Variants in ARMH2 observed in about 807,000 individuals in gnomAD.
ARMH2 encodes the protein armadillo like helical domain containing 2.
A neutral mutation model predicts 9.0 loss-of-function variants in ARMH2; 5 were observed. The ratio of observed to expected loss-of-function variants is 0.56; its 90% CI spans 0.29 to 1.17. The LOEUF (loss-of-function observed/expected upper bound fraction) is 1.17, where lower values mean the gene tolerates loss of function less well. Among genes scored for constraint, ARMH2 ranks in the 50% most tolerant of loss-of-function variants. ARMH2 has a pLI of 0.08. For missense variants in ARMH2, 236 were observed against 268.3 expected (o/e 0.88, Z 0.84); for synonymous variants, 74 against 93.1 (o/e 0.79, Z 1.18).
In ARMH2 at chr6:24,797,382, C is replaced by T; in HGVS notation, c.*28G>A. The stretch of plus-strand genomic sequence containing the variant: ...GTTTTCCAGGGTAATACACAGAGAG[C>T]TGCAACATGTAACTGGATTTAGAGA... On this transcript the variant is annotated 3_prime_UTR_variant, in exon 2 of 2. Transcript: ENST00000565469. 2 of 1,515,968 alleles carry T rather than the reference C, an allele frequency of 1.3e-6. No homozygotes were observed. The highest frequency in any genetic ancestry group is 1.8e-6 in the Non-Finnish European group (2 of 1,133,652). The allele number at this position is 1,515,968 out of a possible 1,614,324, so 93.9% of individuals were successfully genotyped here.
chr6:24,798,545 A>G, intron 1 of ARMH2, 48 bp downstream of exon 1: 2 of 1,482,542 alleles, frequency 1.3e-6, no homozygotes, highest in Non-Finnish European at 1.8e-6. Flanking sequence ...GTGTTATAAA[A>G]TGAGTGTCGT....
rs1486234630 is a variant in ARMH2, at chr6:24,797,874, G to A, written c.266-37C>T. 4.0e-6 allele frequency: 6 copies of A among 1,518,544 alleles called. No homozygotes were observed. In the Admixed American group the frequency reaches 8.2e-5, roughly 21 times the overall value. The allele number at this position is 1,518,544 out of a possible 1,614,324, so 94.1% of individuals were successfully genotyped here. A position where few individuals can be genotyped will look rare whatever the true frequency, so the allele number is the denominator to read the frequency against. ...GCATTTGCATTTCCAGAAGTATTTG[G>A]TGTATCTATTAGCTAGTAACACTTT... On this transcript the variant is annotated intron_variant, in intron 1 of 1. Transcript: ENST00000565469.
In ARMH2 at chr6:24,797,587, A is replaced by T. The variant is rs3813682; in HGVS notation, c.516T>A (p.Phe172Leu). The T allele has an allele frequency of 0.021, 31,980 of 1,535,432 alleles. 2,346 individuals are homozygous for T. In the African/African-American group the frequency reaches 0.23, roughly 11 times the overall value. The stretch of plus-strand genomic sequence containing the variant: ...TGACAGAGAGAACGTAACAAGTCCA[A>T]AATTTAAGGAGGAGGTAGCTGTTTG... ...SETNSYLLLK[F>L]WTCYVLSVMT... The change falls in exon 2 of 2, where the codon TTT (phenylalanine) becomes TTA (leucine). Residue 172 changes from phenylalanine (F) to leucine (L), a missense_variant. Coordinates refer to ENST00000565469, the MANE Select transcript of ARMH2 (RefSeq NM_001282492.2).
Position 24,797,703 on chromosome 6 carries a change from C to T in ARMH2, c.400G>A (p.Val134Ile), listed in dbSNP as rs1467241000. Residue 134 changes from valine (V) to isoleucine (I), a missense_variant, in exon 2 of 2, where the codon GTC (valine) becomes ATC (isoleucine). Val to Ile is a conservative substitution (Grantham distance 29, BLOSUM62 3). Transcript: ENST00000565469. Reference sequence around the variant, plus strand: ...AGACTTTTGGCTCTTTTCTGGCTGACAGGGTTTAAGTAACACCAACATGCC... The same window carrying T: ...AGACTTTTGGCTCTTTTCTGGCTGATAGGGTTTAAGTAACACCAACATGCC... ...SVACWCYLNP[V>I]SQKRAKSLQF... 3.3e-6 allele frequency: 5 copies of T among 1,535,430 alleles called. No homozygotes were observed. In the Admixed American group the frequency reaches 9.8e-5, roughly 30 times the overall value.
rs544606391 is a variant in ARMH2, at chr6:24,798,309, G to T, written c.265+284C>A. Among the ~76,000 whole-genome samples the T allele has an allele frequency of 4.6e-5, 7 of 152,062 alleles. No individual in the cohort carries two copies. In the East Asian group the frequency reaches 1.2e-3, roughly 25 times the overall value. On this transcript the variant is annotated intron_variant, in intron 1 of 1. Coordinates refer to ENST00000565469, the MANE Select transcript of ARMH2 (RefSeq NM_001282492.2). Reference sequence around the variant, plus strand: ...TTTTTTGTATTTTTAGTAGAGACGGGGTTTCACCATGTTGATCAGCTGGTC... The same window carrying T: ...TTTTTTGTATTTTTAGTAGAGACGGTGTTTCACCATGTTGATCAGCTGGTC...
In ARMH2 at chr6:24,797,705, G is replaced by A; in HGVS notation, c.398C>T (p.Pro133Leu). Reference protein sequence around the residue: ...QSVACWCYLNPVSQKRAKSLQ... With the variant: ...QSVACWCYLNLVSQKRAKSLQ... ...ACTTTTGGCTCTTTTCTGGCTGACA[G>A]GGTTTAAGTAACACCAACATGCCAC... The change falls in exon 2 of 2, where the codon CCT becomes CTT. Residue 133 changes from proline (P) to leucine (L), a missense_variant. Physicochemically the swap from Pro to Leu is moderately conservative, Grantham distance 98. Transcript: ENST00000565469. 1 of 1,535,430 alleles carries A rather than the reference G, an allele frequency of 6.5e-7. No individual in the cohort carries two copies. Among genetic ancestry groups the A allele is most frequent in the Non-Finnish European group, 8.7e-7 (1 of 1,146,738 alleles).
chr6:24,797,707 G>A lies in ARMH2; in HGVS notation c.396C>T (p.Asn132=), dbSNP rs148217566. 3,349 of 1,535,416 alleles carry A rather than the reference G, an allele frequency of 2.2e-3. 12 individuals carry two copies. Among genetic ancestry groups the A allele is most frequent in the Admixed American group, 4.4e-3 (223 of 50,980 alleles). ...TTTTGGCTCTTTTCTGGCTGACAGG[G>A]TTTAAGTAACACCAACATGCCACAC... ...LQSVACWCYL[N]PVSQKRAKSL... Residue 132 remains asparagine (N), a synonymous_variant, in exon 2 of 2, where the codon AAC becomes AAT. Transcript: ENST00000565469.
intron 1 of ARMH2, among the ~76,000 whole-genome samples, 154 bp from the exon 2 acceptor site, chr6:24,797,991 G>A (rs2113596336): frequency 6.6e-6 from 1 of 152,290 alleles, no homozygotes; most frequent in Admixed American, 6.5e-5. Flanking sequence ...CTCCCACGCT[G>A]CTGCCATGAA....
At position 24,798,833 on chromosome 6, in the gene ARMH2, T is replaced by C; in HGVS notation, c.25A>G (p.Thr9Ala). 1 of 1,534,522 alleles carries C rather than the reference T, an allele frequency of 6.5e-7. No individual in the cohort carries two copies. Among genetic ancestry groups the C allele is most frequent in the Non-Finnish European group, 8.7e-7 (1 of 1,146,374 alleles). Residue 9 changes from threonine (T) to alanine (A), a missense_variant, in exon 1 of 2, where the codon ACG (threonine) becomes GCG (alanine). Thr to Ala is a moderately conservative substitution (Grantham distance 58). Transcript: ENST00000565469. ...CCATACATCTTAACCCAAATTTGCGTACAAGAAAATCGGCTGTTAGCCATT... is the reference window on the plus strand; with the variant it reads ...CCATACATCTTAACCCAAATTTGCGCACAAGAAAATCGGCTGTTAGCCATT... MANSRFSC[T>A]QIWVKMYGYF...
Position 24,798,892 on chromosome 6 carries a change from A to G in ARMH2, c.-35T>C. ...AGGCCAGTGGTCCTTCAGGTACACC[A>G]CTGGCAGTCACAGGAGTTCACAGTC... On this transcript the variant is annotated 5_prime_UTR_variant, in exon 1 of 2. Coordinates refer to ENST00000565469, the MANE Select transcript of ARMH2 (RefSeq NM_001282492.2). 6.6e-7 allele frequency: 1 copy of G among 1,518,812 alleles called. No individual in the cohort carries two copies. The highest frequency in any genetic ancestry group is 8.8e-7 in the Non-Finnish European group (1 of 1,138,808). 94.1% of individuals were successfully genotyped at this position (1,518,812 alleles called of 1,614,324 possible). A position where few individuals can be genotyped will look rare whatever the true frequency, so the allele number is the denominator to read the frequency against.
Position 24,797,373 on chromosome 6 carries a change from C to T in ARMH2, c.*37G>A. The T allele has an allele frequency of 6.7e-7, 1 of 1,498,516 alleles. No individual in the cohort carries two copies. The highest frequency in any genetic ancestry group is 8.9e-7 in the Non-Finnish European group (1 of 1,121,576). 92.8% of individuals were successfully genotyped at this position (1,498,516 alleles called of 1,614,324 possible). On this transcript the variant is annotated 3_prime_UTR_variant, in exon 2 of 2. Transcript: ENST00000565469. ...TTTATTTCAGTTTTCCAGGGTAATA[C>T]ACAGAGAGCTGCAACATGTAACTGG...
At position 24,798,867 on chromosome 6, in the gene ARMH2, A is replaced by T. The variant is rs1317434275; in HGVS notation, c.-10T>A. The T allele has an allele frequency of 6.5e-7, 1 of 1,531,800 alleles. No homozygotes were observed. The highest frequency in any genetic ancestry group is 8.7e-7 in the Non-Finnish European group (1 of 1,144,708). The allele number at this position is 1,531,800 out of a possible 1,614,324, so 94.9% of individuals were successfully genotyped here. A position where few individuals can be genotyped will look rare whatever the true frequency, so the allele number is the denominator to read the frequency against. ...ATCGGCTGTTAGCCATTGTGTAAAA[A>T]GGCCAGTGGTCCTTCAGGTACACCA... On this transcript the variant is annotated 5_prime_UTR_variant, in exon 1 of 2. Coordinates refer to ENST00000565469, the MANE Select transcript of ARMH2 (RefSeq NM_001282492.2).
Position 24,798,584 on chromosome 6 carries a change from G to C in ARMH2, c.265+9C>G, listed in dbSNP as rs1343094408. 1 of 1,529,922 alleles carries C rather than the reference G, an allele frequency of 6.5e-7. No individual in the cohort carries two copies. Among genetic ancestry groups the C allele is most frequent in the South Asian group, 1.2e-5 (1 of 83,150 alleles). 94.8% of individuals were successfully genotyped at this position (1,529,922 alleles called of 1,614,324 possible). A position where few individuals can be genotyped will look rare whatever the true frequency, so the allele number is the denominator to read the frequency against. ...ACACTCATTTTAGCACAGCCATTTA[G>C]ATCAGTACCTGTGAAGGCCAGCAGT... On this transcript the variant is annotated intron_variant, in intron 1 of 1. Coordinates refer to ENST00000565469, the MANE Select transcript of ARMH2 (RefSeq NM_001282492.2).
rs148217566 is a variant in ARMH2 at position 24,797,707 on chromosome 6, G to C, written c.396C>G (p.Asn132Lys). ...LQSVACWCYL[N>K]PVSQKRAKSL... is the part of the protein sequence containing the mutation. ...TTTTGGCTCTTTTCTGGCTGACAGG[G>C]TTTAAGTAACACCAACATGCCACAC... Residue 132 changes from asparagine to lysine, a missense_variant, in exon 2 of 2, where the codon AAC becomes AAG. Physicochemically the swap from Asn to Lys is moderately conservative, Grantham distance 94. Transcript: ENST00000565469. 5 of 1,535,416 alleles carry C rather than the reference G, an allele frequency of 3.3e-6. No individual in the cohort carries two copies. In the Admixed American group the frequency reaches 9.8e-5, roughly 30 times the overall value.
rs1439437883 is a variant in ARMH2 at position 24,797,565 on chromosome 6, C to A, written c.538G>T (p.Val180Phe). ...CAAGACAAGTTATTGCATGTCATGACAGAGAGAACGTAACAAGTCCAAAAT... is the reference window on the plus strand; with the variant it reads ...CAAGACAAGTTATTGCATGTCATGAAAGAGAGAACGTAACAAGTCCAAAAT... ...LKFWTCYVLSVMTCNNLSCVK... is the reference protein window; with the variant it reads ...LKFWTCYVLSFMTCNNLSCVK... Residue 180 changes from valine to phenylalanine, a missense_variant, in exon 2 of 2, where the codon GTC (valine) becomes TTC (phenylalanine). Physicochemically the swap from Val to Phe is conservative, Grantham distance 50. Coordinates refer to ENST00000565469, the MANE Select transcript of ARMH2 (RefSeq NM_001282492.2). The A allele has an allele frequency of 1.3e-6, 2 of 1,535,450 alleles. No individual in the cohort carries two copies. The highest frequency in any genetic ancestry group is 4.9e-5 in the East Asian group (2 of 40,918).
chr6:24,797,414 T>A lies in ARMH2; in HGVS notation c.689A>T (p.Asn230Ile), dbSNP rs1314627042. 1 of 1,531,258 alleles carries A rather than the reference T, an allele frequency of 6.5e-7. No homozygotes were observed. The highest frequency in any genetic ancestry group is 8.7e-7 in the Non-Finnish European group (1 of 1,143,552). The allele number at this position is 1,531,258 out of a possible 1,614,324, so 94.9% of individuals were successfully genotyped here. ...ATGTAACTGGATTTAGAGAAACTAA[T>A]TCCTATGAAAACCAATTAGGAAATA... ...VLYFLIGFHR[N>I] is the part of the protein sequence containing the mutation. The change falls in exon 2 of 2, where the codon AAT (asparagine) becomes ATT (isoleucine). Residue 230 changes from asparagine to isoleucine, a missense_variant. By Grantham distance (149) the Asn-to-Ile change is moderately radical. Coordinates refer to ENST00000565469, the MANE Select transcript of ARMH2 (RefSeq NM_001282492.2).
Position 24,798,902 on chromosome 6 carries a change from A to G in ARMH2, c.-45T>C, listed in dbSNP as rs1484489725. 2.7e-6 allele frequency: 4 copies of G among 1,504,504 alleles called. No homozygotes were observed. The African/African-American group carries it at 5.6e-5, about 21-fold the overall frequency. 93.2% of individuals were successfully genotyped at this position (1,504,504 alleles called of 1,614,324 possible). On this transcript the variant is annotated 5_prime_UTR_variant, in exon 1 of 2. Transcript: ENST00000565469. ...TCCTTCAGGTACACCACTGGCAGTC[A>G]CAGGAGTTCACAGTCAAGAACTCTG...
In ARMH2 at chr6:24,798,868, G is replaced by C. The variant is rs1194128214; in HGVS notation, c.-11C>G. ...TCGGCTGTTAGCCATTGTGTAAAAA[G>C]GCCAGTGGTCCTTCAGGTACACCAC... is the stretch of plus-strand genomic sequence containing the variant. On this transcript the variant is annotated 5_prime_UTR_variant, in exon 1 of 2. Coordinates refer to ENST00000565469, the MANE Select transcript of ARMH2 (RefSeq NM_001282492.2). 4.6e-6 allele frequency: 7 copies of C among 1,531,286 alleles called. No individual in the cohort carries two copies. Among genetic ancestry groups the C allele is most frequent in the Non-Finnish European group, 6.1e-6 (7 of 1,144,590 alleles). The allele number at this position is 1,531,286 out of a possible 1,614,324, so 94.9% of individuals were successfully genotyped here.
In ARMH2 at chr6:24,797,538, CG is replaced by C. The variant is rs1562198376; in HGVS notation, c.564del (p.Cys188TrpfsTer11). ...GCACTGTGGTCTTTAAGCTCCTTGA[CG>C]CAAGACAAGTTATTGCATGTCATGA... ...LSVMTCNNLS[C>X]VKELKDHSAL... On this transcript the variant is annotated frameshift_variant, in exon 2 of 2. Transcript: ENST00000565469. LOFTEE classifies it low-confidence loss of function (END_TRUNC). 6.5e-7 allele frequency: 1 copy of C among 1,535,396 alleles called. No homozygotes were observed. The highest frequency in any genetic ancestry group is 1.2e-5 in the South Asian group (1 of 84,046).
Sources: gnomAD v4.1 joint callset for allele counts (sites outside exome capture counted in the v4.1 genomes callset) on GRCh38, gnomAD v4.1.1 for gene constraint, MANE v1.5 for transcripts, NCBI Gene and HGNC (gene_info 2026-07-23, HGNC 2026-07-21) for gene names.